The following CMIP variants were observed in gnomAD, a reference collection of about 807,000 sequenced individuals.
CMIP encodes the protein c-Maf inducing protein.
A neutral mutation model predicts 97.3 loss-of-function variants in CMIP; 13 were observed. The observed-to-expected ratio is 0.13, with a 90% CI of 0.09 to 0.21. The LOEUF (loss-of-function observed/expected upper bound fraction) is 0.21. Ranked by LOEUF, CMIP falls within the 10% of genes least tolerant of loss-of-function variation. The pLI is 1.00. For missense variants in CMIP, 847 were observed against 1,024.9 expected (o/e 0.83, Z 2.37); for synonymous variants, 538 against 436.3 (o/e 1.23, Z -2.91).
At chr16:81,577,141 C>T (rs2091204638) in intron 1 of CMIP, among the ~76,000 whole-genome samples, 1 of 146,242 alleles carries the variant, frequency 6.8e-6, no homozygotes, top group South Asian at 2.1e-4. Context: ...ACCTTCATCA[C>T]CACCATCATC....
At chr16:81,620,845 G>T (rs754792939) in intron 2 of CMIP, 31 bp from the exon 3 acceptor site, 4 of 1,613,396 alleles carry the variant, frequency 2.5e-6, no homozygotes, top group Non-Finnish European at 3.4e-6. Flanking sequence ...GCTGATGACC[G>T]GACCTTGCTG....
rs1458686062 is a variant in CMIP at position 81,616,986 on chromosome 16, A to G, written c.427-3890A>G. On this transcript the variant is annotated intron_variant, in intron 2 of 20. Transcript: ENST00000537098. The surrounding 1 kb of genome is among the most constrained non-coding windows in gnomAD (Gnocchi z 4.7). ...AGATCTGTCAGCCATCCCTGCCAACAACTCAGCAGTGGGCCGGACCCAGTC... is the reference window on the plus strand; with the variant it reads ...AGATCTGTCAGCCATCCCTGCCAACGACTCAGCAGTGGGCCGGACCCAGTC... The G allele has an allele frequency of 6.6e-6, 1 of 152,550 alleles. No individual in the cohort carries two copies. The highest frequency in any genetic ancestry group is 1.9e-4 in the East Asian group (1 of 5,204). The allele number at this position is 152,550 out of a possible 1,614,324, so 9.4% of individuals were successfully genotyped here. A position where few individuals can be genotyped will look rare whatever the true frequency, so the allele number is the denominator to read the frequency against.
intron 1 of CMIP, among the ~76,000 whole-genome samples, chr16:81,491,310 A>G (rs1201882531): frequency 6.6e-6 from 1 of 151,996 alleles, no homozygotes; most frequent in Non-Finnish European, 1.5e-5. Flanking sequence ...CGTCTCTGTC[A>G]CCGCATGGCT....
chr16:81,646,026 GGAT>G (rs964824500), intron 3 of CMIP, among the ~76,000 whole-genome samples: 1 of 152,072 alleles, frequency 6.6e-6, no homozygotes, highest in African/African-American at 2.4e-5. Flanking sequence ...GATCTTCATG[GGAT>G]GATTGGATGG....
At chr16:81,491,489 C>T (rs1451917411) in intron 1 of CMIP, among the ~76,000 whole-genome samples, 3 of 152,214 alleles carry the variant, frequency 2.0e-5, no homozygotes, top group African/African-American at 7.2e-5. Flanking sequence ...CACGAGAATT[C>T]TGATTTTCCT....
chr16:81,596,296 A>G (rs2091554936), intron 1 of CMIP, among the ~76,000 whole-genome samples: 1 of 152,176 alleles, frequency 6.6e-6, no homozygotes, highest in Non-Finnish European at 1.5e-5. Flanking sequence ...ACTTGAGGTC[A>G]GGAGTTCAAG....
At chr16:81,691,516 A>G (rs1345713841) in intron 10 of CMIP, 6 of 553,778 alleles carry the variant, frequency 1.1e-5, no homozygotes, top group African/African-American at 1.9e-5. Flanking sequence ...TTCAAAGGGC[A>G]TTGTGAAGTC....
chr16:81,587,975 C>T (rs1451398150), intron 1 of CMIP, among the ~76,000 whole-genome samples: 3 of 152,186 alleles, frequency 2.0e-5, no homozygotes, highest in African/African-American at 4.8e-5. Context: ...GAGGCAGGAA[C>T]GGTCAGGGAT....
intron 1 of CMIP, among the ~76,000 whole-genome samples, chr16:81,588,521 T>G (rs2150915345): frequency 6.6e-6 from 1 of 152,276 alleles, no homozygotes; most frequent in African/African-American, 2.4e-5. Context: ...CCCCAGTGCT[T>G]CTCCAGCATT....
At chr16:81,639,929 A>C (rs1287582043) in intron 3 of CMIP, among the ~76,000 whole-genome samples, 4 of 152,096 alleles carry the variant, frequency 2.6e-5, no homozygotes, top group Admixed American at 2.6e-4. Context: ...GTACATAGGA[A>C]GCCCGGGGAT....
chr16:81,482,718 C>T (rs531513167), intron 1 of CMIP, among the ~76,000 whole-genome samples: 1 of 152,316 alleles, frequency 6.6e-6, no homozygotes, highest in South Asian at 2.1e-4. Flanking sequence ...TGCATCTTCC[C>T]ATTGCTGGAG....
rs376520559 is a variant in CMIP, at chr16:81,526,754, G to A, written c.301-80813G>A. Among the ~76,000 whole-genome samples, 58 of 152,332 alleles carry A rather than the reference G, an allele frequency of 3.8e-4. 1 individual carries two copies. The highest frequency in any genetic ancestry group is 1.2e-3 in the African/African-American group (50 of 41,576). On this transcript the variant is annotated intron_variant, in intron 1 of 20. Transcript: ENST00000537098. Reference sequence around the variant, plus strand: ...ACTCTTGCCTTGCAGAGGTGCCCCCGGGAGGGGTCACAGTGAAGGCCCCAG... The same window carrying A: ...ACTCTTGCCTTGCAGAGGTGCCCCCAGGAGGGGTCACAGTGAAGGCCCCAG...
chr16:81,537,646 G>T (rs535462584), intron 1 of CMIP, among the ~76,000 whole-genome samples: 1 of 150,826 alleles, frequency 6.6e-6, no homozygotes, highest in African/African-American at 2.4e-5. Flanking sequence ...TGGGAGGATC[G>T]CTTAAGGCCA....
At position 81,453,422 on chromosome 16, in the gene CMIP, C is replaced by G. The variant is rs1906356164; in HGVS notation, c.300+7881C>G. Among the ~76,000 whole-genome samples, 1 of 152,206 alleles carries G rather than the reference C, an allele frequency of 6.6e-6. No individual in the cohort carries two copies. The highest frequency in any genetic ancestry group is 2.1e-4 in the South Asian group (1 of 4,834). On this transcript the variant is annotated intron_variant, in intron 1 of 20. Transcript: ENST00000537098. The surrounding 1 kb of genome is among the most constrained non-coding windows in gnomAD (Gnocchi z 4.0). Reference sequence around the variant, plus strand: ...GTGGGGTCATATGGAGAAGGAAGATCACACCGGGACTGCTGCTAGCTTCTC... The same window carrying G: ...GTGGGGTCATATGGAGAAGGAAGATGACACCGGGACTGCTGCTAGCTTCTC...
At chr16:81,665,731 C>T (rs748897074) in intron 7 of CMIP, 2 of 152,194 alleles carry the variant, frequency 1.3e-5, no homozygotes, top group African/African-American at 4.8e-5. Context: ...ACCTACAGCC[C>T]CTTCCCCAGT....
At position 81,626,248 on chromosome 16, in the gene CMIP, AGT is replaced by A. The variant is rs1052354250; in HGVS notation, c.477+5330_477+5331del. 4.0e-5 allele frequency among the ~76,000 whole-genome samples: 6 copies of A among 149,316 alleles called. No individual in the cohort carries two copies. In the South Asian group the frequency reaches 6.3e-4, roughly 16 times the overall value. On this transcript the variant is annotated intron_variant, in intron 3 of 20. Transcript: ENST00000537098. ...GAATGTGTGTAAGAGTGAATGTGTG[AGT>A]GTGTGTGAGAGCGAGAGTGACTGAG...
At chr16:81,663,310 A>AG (rs397753548) in intron 6 of CMIP, among the ~76,000 whole-genome samples, 1 of 151,866 alleles carries the variant, frequency 6.6e-6, no homozygotes, top group African/African-American at 2.4e-5. Context: ...AAAAAAAAAA[A>AG]CGAGCTAGCA....
At chr16:81,645,360 GTA>G (rs2092352507) in intron 3 of CMIP, 1 of 1,437,050 alleles carries the variant, frequency 7.0e-7, no homozygotes, top group Non-Finnish European at 9.2e-7. Flanking sequence ...GCTTGGGTGT[GTA>G]CGCGCGCGAG....
intron 10 of CMIP, among the ~76,000 whole-genome samples, chr16:81,686,287 C>A (rs979053091): frequency 6.6e-6 from 1 of 152,188 alleles, no homozygotes; most frequent in Non-Finnish European, 1.5e-5. Flanking sequence ...AACAGATGAC[C>A]CCTCAGAAGG....
Sources: allele counts gnomAD v4.1 joint callset (sites outside exome capture counted in the v4.1 genomes callset), GRCh38; gene constraint gnomAD v4.1.1; non-coding constraint Gnocchi (gnomAD v3.1); transcripts MANE v1.5; gene names NCBI Gene and HGNC (gene_info 2026-07-23, HGNC 2026-07-21).